The following C16orf96 variants were observed in gnomAD, a reference collection of about 807,000 sequenced individuals.
C16orf96 encodes the protein chromosome 16 open reading frame 96, also known as uncharacterized protein C16orf96.
Under a neutral mutation model 103.6 loss-of-function variants are expected in C16orf96, and 108 were observed. The ratio of observed to expected loss-of-function variants is 1.04; its 90% CI spans 0.89 to 1.22. The LOEUF is 1.22. C16orf96 is among the 50% of genes most tolerant of loss of function. The probability of loss-of-function intolerance (pLI) is 0.00; values close to 1 mark genes in which losing one functional copy is unlikely to be tolerated. For synonymous variants in C16orf96, 566 were observed against 593.5 expected (o/e 0.95, Z 0.67); for missense variants, 1,586 against 1,464.2 (o/e 1.08, Z -1.36).
chr16:4,546,359 C>T, the C16orf96 span, among the ~76,000 whole-genome samples: 341 of 151,824 alleles, frequency 2.2e-3, 2 homozygotes, highest in Non-Finnish European at 4.1e-3. Flanking sequence ...GGGGTTTCAC[C>T]GTGTTAGCCA....
At chr16:4,567,822 C>T (rs571172732) in intron 1 of C16orf96, among the ~76,000 whole-genome samples, 7 of 149,646 alleles carry the variant, frequency 4.7e-5, no homozygotes, top group South Asian at 2.1e-4. Flanking sequence ...CTCAGCCTCC[C>T]GAGTAGCTGG....
In C16orf96 at chr16:4,575,695, G is replaced by A. The variant is rs1470600756; in HGVS notation, c.1215G>A (p.Trp405Ter). 3 of 1,534,428 alleles carry A rather than the reference G, an allele frequency of 2.0e-6. No homozygotes were observed. The change falls in exon 5 of 16, where the codon TGG (tryptophan) becomes TGA (stop). Residue 405 changes from tryptophan (W) to a stop codon, truncating the protein, a stop_gained. Coordinates refer to ENST00000444310, the MANE Select transcript of C16orf96 (RefSeq NM_001145011.2). LOFTEE classifies it high-confidence loss of function. ...LPQGWPRVGS[W>*]PLWDLGVLRP... ...AAGGCTGGCCCAGGGTGGGCTCTTG[G>A]CCTCTGTGGGACTTAGGTGTCCTGC...
At chr16:4,595,229 C>T (rs939274846) in intron 14 of C16orf96, among the ~76,000 whole-genome samples, 1 of 152,188 alleles carries the variant, frequency 6.6e-6, no homozygotes, top group African/African-American at 2.4e-5. Flanking sequence ...GTGGCAGGAA[C>T]GGTGGGTGCA....
chr16:4,580,310 A>ACCCCCCCC (rs150403662), intron 7 of C16orf96, among the ~76,000 whole-genome samples, 185 bp downstream of exon 7: 95 of 104,548 alleles, frequency 9.1e-4, no homozygotes, highest in Non-Finnish European at 1.3e-3. Flanking sequence ...GAATCCCACC[A>ACCCCCCCC]CCCCCCCCCA....
rs1596538555 is a variant in C16orf96, at chr16:4,593,361, G to A, written c.2867+45G>A. ...CGCAGGGAGGCCGCCCCGCATGGAG[G>A]CCACTCTGGAGCCTGGGAACCCTGT... On this transcript the variant is annotated intron_variant, in intron 12 of 15. Coordinates refer to ENST00000444310, the MANE Select transcript of C16orf96 (RefSeq NM_001145011.2). This position sits in a 1 kb window ranked among gnomAD's most constrained non-coding sequence, Gnocchi z 4.2. 1.3e-6 allele frequency: 2 copies of A among 1,512,738 alleles called. No homozygotes were observed. The highest frequency in any genetic ancestry group is 1.8e-6 in the Non-Finnish European group (2 of 1,116,632). The allele number at this position is 1,512,738 out of a possible 1,614,324, so 93.7% of individuals were successfully genotyped here. A position where few individuals can be genotyped will look rare whatever the true frequency, so the allele number is the denominator to read the frequency against.
At position 4,556,654 on chromosome 16, in the gene C16orf96, C is replaced by T; in HGVS notation, c.165C>T (p.Thr55=). 1 of 1,551,614 alleles carries T rather than the reference C, an allele frequency of 6.4e-7. No individual in the cohort carries two copies. The highest frequency in any genetic ancestry group is 8.7e-7 in the Non-Finnish European group (1 of 1,146,896). Residue 55 remains threonine, a synonymous_variant, in exon 1 of 16, where the codon ACC becomes ACT. Transcript: ENST00000444310. The stretch of plus-strand genomic sequence containing the variant: ...CAGGCGATGAGGACTTCCTGCAGAC[C>T]TCGCAGGTGGTCATCATGCCCAGGG... ...VLSGDEDFLQ[T]SQVVIMPREG...
At chr16:4,588,559 T>G (rs1896983243) in intron 9 of C16orf96, among the ~76,000 whole-genome samples, 1 of 152,094 alleles carries the variant, frequency 6.6e-6, no homozygotes, top group Non-Finnish European at 1.5e-5. Flanking sequence ...TCAAAGAGAT[T>G]CCCTCACATG....
the C16orf96 span, among the ~76,000 whole-genome samples, chr16:4,545,693 C>T: frequency 1.3e-5 from 2 of 152,170 alleles, no homozygotes; most frequent in Admixed American, 6.5e-5. Flanking sequence ...ACAGCACCCA[C>T]CTCCCACTCC....
Position 4,591,766 on chromosome 16 carries a change from G to A in C16orf96, c.2693G>A (p.Ser898Asn). 1 of 1,551,614 alleles carries A rather than the reference G, an allele frequency of 6.4e-7. No individual in the cohort carries two copies. Among genetic ancestry groups the A allele is most frequent in the Non-Finnish European group, 8.7e-7 (1 of 1,146,968 alleles). The change falls in exon 10 of 16, where the codon AGT (serine) becomes AAT (asparagine). Residue 898 changes from serine (S) to asparagine (N), a missense_variant. Ser to Asn is a conservative substitution (Grantham distance 46). Transcript: ENST00000444310. ...LIEGLRLDPD[S>N]AAGFRRKLFK... The stretch of plus-strand genomic sequence containing the variant: ...GAGGGCTTAAGACTGGATCCTGACA[G>A]TGCTGCTGGCTTTAGGAGGTGAGTG...
At chr16:4,585,490 A>T (rs1312907463) in intron 7 of C16orf96, among the ~76,000 whole-genome samples, 2 of 152,108 alleles carry the variant, frequency 1.3e-5, no homozygotes, top group Non-Finnish European at 2.9e-5. Context: ...AAATTAAAAT[A>T]AAGAGGAGGT....
Position 4,571,622 on chromosome 16 carries a change from C to A in C16orf96, c.482C>A (p.Ala161Asp). The change falls in exon 2 of 16, where the codon GCC becomes GAC. Residue 161 changes from alanine to aspartate, a missense_variant. By Grantham distance (126) the Ala-to-Asp change is moderately radical. Coordinates refer to ENST00000444310, the MANE Select transcript of C16orf96 (RefSeq NM_001145011.2). Reference protein sequence around the residue: ...DLHALQVTITALRKEVDMLKN... With the variant: ...DLHALQVTITDLRKEVDMLKN... ...CATGCACTCCAGGTCACCATCACAG[C>A]CCTCAGAAAAGAAGTGGACATGCTG... 1 of 1,552,240 alleles carries A rather than the reference C, an allele frequency of 6.4e-7. No homozygotes were observed. The highest frequency in any genetic ancestry group is 8.7e-7 in the Non-Finnish European group (1 of 1,147,082).
chr16:4,580,188 C>A (rs2059566690), intron 7 of C16orf96, 63 bp downstream of exon 7: 4 of 1,301,896 alleles, frequency 3.1e-6, no homozygotes, highest in Non-Finnish European at 4.1e-6. Context: ...CCTAGACCTT[C>A]TGGCCCTTCC....
Position 4,593,112 on chromosome 16 carries a change from G to C in C16orf96, c.2775-112G>C. The C allele has an allele frequency of 9.6e-7, 1 of 1,040,232 alleles. No homozygotes were observed. Among genetic ancestry groups the C allele is most frequent in the Non-Finnish European group, 1.4e-6 (1 of 695,068 alleles). The allele number at this position is 1,040,232 out of a possible 1,614,324, so 64.4% of individuals were successfully genotyped here. Reference sequence around the variant, plus strand: ...CTGGCATTCGAGGGTGGTGACCTGAGTCTGCACCTCCTTCCTCCTGCTGGG... The same window carrying C: ...CTGGCATTCGAGGGTGGTGACCTGACTCTGCACCTCCTTCCTCCTGCTGGG... On this transcript the variant is annotated intron_variant, in intron 11 of 15. Coordinates refer to ENST00000444310, the MANE Select transcript of C16orf96 (RefSeq NM_001145011.2). The surrounding 1 kb of genome is among the most constrained non-coding windows in gnomAD (Gnocchi z 4.2).
chr16:4,600,290 G>GC lies in C16orf96; in HGVS notation c.3405dup (p.Glu1136ArgfsTer25), dbSNP rs1391126517. The GC allele has an allele frequency of 1.9e-6, 3 of 1,550,386 alleles. No homozygotes were observed. The highest frequency in any genetic ancestry group is 1.7e-6 in the Non-Finnish European group (2 of 1,146,800). ...ACATTGAGTCCCGAGTCGGCAGGAA[G>GC]CCCCCCGAGGAGCCCGCCAACCCGT... On this transcript the variant is annotated frameshift_variant, in exon 16 of 16. Coordinates refer to ENST00000444310, the MANE Select transcript of C16orf96 (RefSeq NM_001145011.2). LOFTEE classifies it high-confidence loss of function.
chr16:4,591,546 A>G (rs1353309067), intron 9 of C16orf96, 120 bp from the exon 10 acceptor site: 7 of 752,380 alleles, frequency 9.3e-6, no homozygotes, highest in Non-Finnish European at 1.6e-5. Context: ...CTCCCTCACT[A>G]TTTTAGTTGA....
intron 7 of C16orf96, among the ~76,000 whole-genome samples, chr16:4,583,645 G>C (rs1896844425): frequency 6.6e-6 from 1 of 151,886 alleles, no homozygotes; most frequent in Non-Finnish European, 1.5e-5. Flanking sequence ...CAAGAAGACT[G>C]GGCATGGTGG....
intron 1 of C16orf96, among the ~76,000 whole-genome samples, chr16:4,561,982 C>G (rs2059337046): frequency 6.6e-6 from 1 of 152,150 alleles, no homozygotes; most frequent in Non-Finnish European, 1.5e-5. Flanking sequence ...TCGTCTAACC[C>G]TGTTTCCATA....
At chr16:4,561,813 G>A (rs912239667) in intron 1 of C16orf96, among the ~76,000 whole-genome samples, 2 of 152,162 alleles carry the variant, frequency 1.3e-5, no homozygotes, top group African/African-American at 4.8e-5. Flanking sequence ...CTGCCGGGGG[G>A]TCGCCTGGCA....
At chr16:4,552,481 CAA>C (rs58618088), upstream of C16orf96, among the ~76,000 whole-genome samples, 21 of 67,888 alleles carry the variant, frequency 3.1e-4, no homozygotes, top group African/African-American at 4.5e-4. Context: ...GACTCTGTCT[CAA>C]AAAAAAAAAA....
Sources: gnomAD v4.1 joint callset for allele counts (sites outside exome capture counted in the v4.1 genomes callset) on GRCh38, gnomAD v4.1.1 for gene constraint, Gnocchi (gnomAD v3.1) non-coding constraint, MANE v1.5 for transcripts, NCBI Gene and HGNC (gene_info 2026-07-23, HGNC 2026-07-21) for gene names.